The following TBCD variants were observed in gnomAD, a reference collection of about 807,000 sequenced individuals.
TBCD encodes tubulin folding cofactor D.
In TBCD, 105 loss-of-function variants were observed where a neutral mutation model predicts 169.3. The observed-to-expected ratio is 0.62, with a 90% CI of 0.53 to 0.73. The LOEUF (loss-of-function observed/expected upper bound fraction) is 0.73, where lower values mean the gene tolerates loss of function less well. Ranked by LOEUF, TBCD falls within the 30% of genes least tolerant of loss-of-function variation. The pLI is 0.00. For missense variants in TBCD, 1,444 were observed against 1,600.1 expected (o/e 0.90, Z 1.66); for synonymous variants, 700 against 643.9 (o/e 1.09, Z -1.32).
rs71168175 is a variant in TBCD, at chr17:82,940,221, G to GCACACACACACACACACACA, written c.3479+751_3479+770dup. 3.8e-3 allele frequency among the ~76,000 whole-genome samples: 498 copies of GCACACACACACACACACACA among 131,788 alleles called. 6 individuals are homozygous for GCACACACACACACACACACA. The highest frequency in any genetic ancestry group is 0.022 in the East Asian group (95 of 4,414). 86.5% of individuals were successfully genotyped at this position (131,788 alleles called of 152,430 possible). On this transcript the variant is annotated intron_variant, in intron 37 of 38. Transcript: ENST00000355528. ...CACACACATGCTCACTTGCACGCGC[G>GCACACACACACACACACACA]CACACACACACACACACACACACAC...
At chr17:82,768,133 G>A (rs867805741) in intron 4 of TBCD, among the ~76,000 whole-genome samples, 7 of 152,094 alleles carry the variant, frequency 4.6e-5, no homozygotes, top group East Asian at 3.9e-4. Flanking sequence ...AGGTGCCAGC[G>A]AAGAGAAGCT....
chr17:82,875,750 G>C (rs2057925183), intron 14 of TBCD, among the ~76,000 whole-genome samples: 1 of 152,206 alleles, frequency 6.6e-6, no homozygotes, highest in South Asian at 2.1e-4. Context: ...CAGCTTCCAG[G>C]GGAAGACAAC....
Position 82,864,953 on chromosome 17 carries a change from A to G in TBCD, c.1319-5271A>G, listed in dbSNP as rs34389414. ...TTGGGGGTGGGGCTCCTTGCCCCCC[A>G]AGGGCAGGCCGAGCACCAAGTCTGT... On this transcript the variant is annotated intron_variant, in intron 13 of 38. Coordinates refer to ENST00000355528, the MANE Select transcript of TBCD (RefSeq NM_005993.5). This position sits in a 1 kb window ranked among gnomAD's most constrained non-coding sequence, Gnocchi z 6.3. Among the ~76,000 whole-genome samples, 36,820 of 151,410 alleles carry G rather than the reference A, an allele frequency of 0.24. 5,339 individuals are homozygous for G. Among genetic ancestry groups the G allele is most frequent in the South Asian group, 0.48 (2,285 of 4,776 alleles).
At chr17:82,852,765 A>T (rs1274957916) in intron 13 of TBCD, among the ~76,000 whole-genome samples, 3 of 152,104 alleles carry the variant, frequency 2.0e-5, no homozygotes, top group African/African-American at 7.2e-5. Flanking sequence ...TTATTTATCC[A>T]TCTGTCAGTT....
chr17:82,867,421 T>C (rs115396169), intron 13 of TBCD, among the ~76,000 whole-genome samples: 3,740 of 152,254 alleles, frequency 0.025, 177 homozygotes, highest in African/African-American at 0.085. Context: ...CCTGGAGTGG[T>C]GTTGCAGTGA....
intron 13 of TBCD, chr17:82,840,623 AG>A: frequency 1.3e-5 from 2 of 152,360 alleles, no homozygotes; most frequent in East Asian, 1.9e-4. Flanking sequence ...GCCCGACACC[AG>A]GCACCGCAAG....
intron 13 of TBCD, among the ~76,000 whole-genome samples, chr17:82,846,120 A>G (rs1056908893): frequency 6.6e-6 from 1 of 151,994 alleles, no homozygotes; most frequent in African/African-American, 2.4e-5. Context: ...AAAGGGACTC[A>G]GGCCAGTGGG....
At position 82,831,264 on chromosome 17, in the gene TBCD, C is replaced by A. The variant is rs776579042; in HGVS notation, c.1318+16330C>A. ...TCCCTGCGCGGGGGCTCATTTTGGACCCTTCCGTGTCTCTCTGCCCAGCCT... is the reference window on the plus strand; with the variant it reads ...TCCCTGCGCGGGGGCTCATTTTGGAACCTTCCGTGTCTCTCTGCCCAGCCT... On this transcript the variant is annotated intron_variant, in intron 13 of 38. Coordinates refer to ENST00000355528, the MANE Select transcript of TBCD (RefSeq NM_005993.5). This position sits in a 1 kb window ranked among gnomAD's most constrained non-coding sequence, Gnocchi z 4.6. 6.2e-7 allele frequency: 1 copy of A among 1,613,848 alleles called. No individual in the cohort carries two copies. Among genetic ancestry groups the A allele is most frequent in the South Asian group, 1.1e-5 (1 of 91,086 alleles).
At chr17:82,937,881 C>G (rs2062765532) in intron 35 of TBCD, 168 bp from the exon 36 acceptor site, 8 of 1,518,956 alleles carry the variant, frequency 5.3e-6, no homozygotes, top group Non-Finnish European at 7.1e-6. Context: ...TGTGTAGGCA[C>G]AGTGCAGATG....
rs763179207 is a variant in TBCD, at chr17:82,929,511, G to T, written c.2991+11G>T. On this transcript the variant is annotated intron_variant, in intron 32 of 38. Transcript: ENST00000355528. The stretch of plus-strand genomic sequence containing the variant: ...TTGACGGAGTCGACGGTGAGGAGGC[G>T]TCGGGCTGGCTGGGGCAGGAGGTGG... 2.5e-6 allele frequency: 4 copies of T among 1,602,840 alleles called. No individual in the cohort carries two copies. Among genetic ancestry groups the T allele is most frequent in the African/African-American group, 2.7e-5 (2 of 74,920 alleles).
chr17:82,841,749 C>T (rs371378629), intron 13 of TBCD, among the ~76,000 whole-genome samples: 2 of 152,282 alleles, frequency 1.3e-5, no homozygotes, highest in East Asian at 1.9e-4. Context: ...AGGGCCTGGC[C>T]GAGTGCTGCT....
intron 26 of TBCD, among the ~76,000 whole-genome samples, chr17:82,924,342 T>C (rs10163476): frequency 0.26 from 39,988 of 152,196 alleles, 5,239 homozygotes; most frequent in Middle Eastern, 0.31. Context: ...TCCTTCTTTA[T>C]GAAAGTAGCA....
chr17:82,922,766 G>T lies in TBCD; in HGVS notation c.2179-886G>T, dbSNP rs2061494457. On this transcript the variant is annotated intron_variant, in intron 25 of 38. Coordinates refer to ENST00000355528, the MANE Select transcript of TBCD (RefSeq NM_005993.5). The surrounding 1 kb of genome is among the most constrained non-coding windows in gnomAD (Gnocchi z 4.1). Reference sequence around the variant, plus strand: ...ATGGCCCCCACCTGCCCCGCCCCCAGTGCCTCTCCAAGGCTGCTCTGTTGG... The same window carrying T: ...ATGGCCCCCACCTGCCCCGCCCCCATTGCCTCTCCAAGGCTGCTCTGTTGG... Among the ~76,000 whole-genome samples, 1 of 152,184 alleles carries T rather than the reference G, an allele frequency of 6.6e-6. No individual in the cohort carries two copies. The highest frequency in any genetic ancestry group is 1.5e-5 in the Non-Finnish European group (1 of 68,016).
rs2063471247 is a variant in TBCD, at chr17:82,943,466, C to G, written c.*1003C>G. ...AAGGGCTTGGGTGAGCAACCCTTTCCCTATGTGAGGAGCCCAGGGGTGCCA... is the reference window on the plus strand; with the variant it reads ...AAGGGCTTGGGTGAGCAACCCTTTCGCTATGTGAGGAGCCCAGGGGTGCCA... On this transcript the variant is annotated 3_prime_UTR_variant, in exon 39 of 39. Coordinates refer to ENST00000355528, the MANE Select transcript of TBCD (RefSeq NM_005993.5). 6.6e-6 allele frequency: 1 copy of G among 151,588 alleles called. No homozygotes were observed. The highest frequency in any genetic ancestry group is 2.1e-4 in the South Asian group (1 of 4,774). The allele number at this position is 151,588 out of a possible 1,614,324, so 9.4% of individuals were successfully genotyped here.
Position 82,889,525 on chromosome 17 carries a change from G to T in TBCD, c.1534-143G>T, listed in dbSNP as rs1280626676. The T allele has an allele frequency of 3.3e-6, 3 of 908,128 alleles. No individual in the cohort carries two copies. In the African/African-American group the frequency reaches 5.1e-5, roughly 15 times the overall value. 56.3% of individuals were successfully genotyped at this position (908,128 alleles called of 1,614,324 possible). A position where few individuals can be genotyped will look rare whatever the true frequency, so the allele number is the denominator to read the frequency against. ...TAAAAACAGAGTGACGCACCTTGAG[G>T]CTCTGTTCAGCCAACAATGAGGGCT... On this transcript the variant is annotated intron_variant, in intron 15 of 38. Coordinates refer to ENST00000355528, the MANE Select transcript of TBCD (RefSeq NM_005993.5). This position sits in a 1 kb window ranked among gnomAD's most constrained non-coding sequence, Gnocchi z 5.3.
chr17:82,764,193 CT>C, intron 3 of TBCD, 131 bp downstream of exon 3: 1 of 714,786 alleles, frequency 1.4e-6, no homozygotes, highest in Non-Finnish European at 2.3e-6. Context: ...AATTCTGTCC[CT>C]TTTTACTGTA....
intron 37 of TBCD, among the ~76,000 whole-genome samples, chr17:82,941,167 C>T (rs369596801): frequency 2.0e-5 from 3 of 152,238 alleles, no homozygotes; most frequent in Non-Finnish European, 4.4e-5. Flanking sequence ...CGAGGGGCAC[C>T]CCTTGTTGGG....
At chr17:82,756,376 TG>T (rs947877290) in intron 2 of TBCD, among the ~76,000 whole-genome samples, 161 bp downstream of exon 2, 2 of 152,192 alleles carry the variant, frequency 1.3e-5, no homozygotes, top group African/African-American at 4.8e-5. Flanking sequence ...CCTGTGATAG[TG>T]GCTTGAGTTC....
At chr17:82,775,935 C>T (rs1041430879) in intron 6 of TBCD, among the ~76,000 whole-genome samples, 83 of 152,118 alleles carry the variant, frequency 5.5e-4, no homozygotes, top group African/African-American at 1.8e-3. Flanking sequence ...ATATGCCTTT[C>T]GCCAGGCACG....
Sources: gnomAD v4.1 joint callset for allele counts (sites outside exome capture counted in the v4.1 genomes callset) on GRCh38, gnomAD v4.1.1 for gene constraint, Gnocchi (gnomAD v3.1) non-coding constraint, MANE v1.5 for transcripts, NCBI Gene and HGNC (gene_info 2026-07-23, HGNC 2026-07-21) for gene names.